The following ACBD6 variants were observed in gnomAD, a reference collection of about 807,000 sequenced individuals.
The protein encoded by ACBD6 is acyl-CoA-binding domain-containing protein 6.
ACBD6 carries 28 observed loss-of-function variants against 37.2 expected under a neutral mutation model. The ratio of observed to expected loss-of-function variants is 0.75; its 90% CI spans 0.56 to 1.03. ACBD6 has a LOEUF of 1.03. Among genes scored for constraint, ACBD6 ranks in the 50% least tolerant of loss-of-function variants. The pLI is 0.00. For synonymous variants in ACBD6, 113 were observed against 126.8 expected, an observed-to-expected ratio of 0.89 and a Z score of 0.73; for missense variants, 340 against 337.4, an observed-to-expected ratio of 1.01 and a Z score of -0.06.
intron 6 of ACBD6, among the ~76,000 whole-genome samples, chr1:180,376,494 C>G (rs1308580528): frequency 6.6e-6 from 1 of 152,092 alleles, no homozygotes; most frequent in African/African-American, 2.4e-5. Context: ...GAGTACTATG[C>G]AGCTGTAAAT....
At chr1:180,453,441 T>C (rs1649792555) in intron 3 of ACBD6, among the ~76,000 whole-genome samples, 2 of 152,210 alleles carry the variant, frequency 1.3e-5, no homozygotes, top group Non-Finnish European at 2.9e-5. Context: ...GCCAATATCA[T>C]ATTGAATGGG....
At chr1:180,428,706 A>C (rs892319164) in intron 4 of ACBD6, among the ~76,000 whole-genome samples, 5 of 152,240 alleles carry the variant, frequency 3.3e-5, no homozygotes, top group African/African-American at 1.2e-4. Context: ...GGAGCCCTTA[A>C]GGAAAATGGC....
Position 180,310,120 on chromosome 1 carries a change from T to C in ACBD6, c.694+4572A>G, listed in dbSNP as rs887857103. Among the ~76,000 whole-genome samples, 64 of 152,148 alleles carry C rather than the reference T, an allele frequency of 4.2e-4. 3 individuals are homozygous for C. Among genetic ancestry groups the C allele is most frequent in the Non-Finnish European group, 4.4e-5 (3 of 68,026 alleles). On this transcript the variant is annotated intron_variant, in intron 7 of 7. Coordinates refer to ENST00000367595, the MANE Select transcript of ACBD6 (RefSeq NM_032360.4). ...TATAAAAAAAAATAACTACTACATA[T>C]GCTTTGGGAGACTGATGTGGGAAAA...
chr1:180,276,950 C>CCT (rs1211200671), intron 9 of ACBD6: 3 of 152,170 alleles, frequency 2.0e-5, no homozygotes, highest in Non-Finnish European at 2.9e-5. Flanking sequence ...GAGAGGCCTT[C>CCT]CTCATTTATA....
intron 7 of ACBD6, among the ~76,000 whole-genome samples, chr1:180,309,002 T>C (rs745749574): frequency 6.6e-6 from 1 of 152,216 alleles, no homozygotes; most frequent in Non-Finnish European, 1.5e-5. Flanking sequence ...AGATAATATA[T>C]GCATATAGGT....
chr1:180,470,117 T>A (rs1323772862), intron 3 of ACBD6, among the ~76,000 whole-genome samples: 1 of 152,172 alleles, frequency 6.6e-6, no homozygotes, highest in Non-Finnish European at 1.5e-5. Context: ...TTTTTCCAAT[T>A]TAAGCTGTTA....
intron 7 of ACBD6, among the ~76,000 whole-genome samples, chr1:180,313,734 T>A (rs1650683322): frequency 6.6e-6 from 1 of 152,204 alleles, no homozygotes; most frequent in Non-Finnish European, 1.5e-5. Context: ...AGGGTCTGTG[T>A]TGCTCAGGCT....
chr1:180,364,092 A>T (rs1652949996), intron 6 of ACBD6, among the ~76,000 whole-genome samples: 1 of 152,254 alleles, frequency 6.6e-6, no homozygotes, highest in African/African-American at 2.4e-5. Flanking sequence ...CAATGCTACA[A>T]TAAAGACTGG....
chr1:180,434,787 C>T (rs1291765178), intron 3 of ACBD6: 3 of 678,090 alleles, frequency 4.4e-6, no homozygotes, highest in African/African-American at 1.8e-5. Flanking sequence ...CTGCCAATGC[C>T]TCTAAGCCGA....
chr1:180,405,687 C>T (rs1019620894), intron 5 of ACBD6, among the ~76,000 whole-genome samples: 7 of 152,124 alleles, frequency 4.6e-5, no homozygotes, highest in Non-Finnish European at 8.8e-5. Context: ...GTATAGTACA[C>T]TAATCTGAGA....
At chr1:180,479,597 G>C (rs1298034941) in intron 3 of ACBD6, among the ~76,000 whole-genome samples, 2 of 152,052 alleles carry the variant, frequency 1.3e-5, no homozygotes, top group South Asian at 2.1e-4. Context: ...AGAGTAGAGG[G>C]ACTACACTTG....
At chr1:180,414,154 C>T (rs10753210) in intron 4 of ACBD6, among the ~76,000 whole-genome samples, 148,653 of 152,340 alleles carry the variant, frequency 0.98, 72,552 homozygotes, top group African/African-American at 0.99. Context: ...ATCTTTATAA[C>T]GCATGTGCAT....
At chr1:180,456,923 T>C (rs941053977) in intron 3 of ACBD6, among the ~76,000 whole-genome samples, 3 of 152,122 alleles carry the variant, frequency 2.0e-5, no homozygotes, top group African/African-American at 7.2e-5. Context: ...AGAGAATATT[T>C]GCTAGAATAT....
At chr1:180,389,692 T>G (rs1157602909) in intron 6 of ACBD6, among the ~76,000 whole-genome samples, 1 of 152,244 alleles carries the variant, frequency 6.6e-6, no homozygotes, top group Non-Finnish European at 1.5e-5. Flanking sequence ...ATGATCGCCA[T>G]TCTAACTGGT....
chr1:180,356,182 A>G (rs1652623265), intron 6 of ACBD6, among the ~76,000 whole-genome samples: 2 of 125,810 alleles, frequency 1.6e-5, no homozygotes, highest in Non-Finnish European at 3.4e-5. Context: ...CTATTGTTAC[A>G]ATTTTTAAGA....
intron 3 of ACBD6, among the ~76,000 whole-genome samples, chr1:180,439,639 T>G (rs1649201041): frequency 6.6e-6 from 1 of 152,004 alleles, no homozygotes; most frequent in South Asian, 2.1e-4. Flanking sequence ...TAGTCCACAC[T>G]CAGCCTCAAG....
At chr1:180,467,448 CAAAAAA>C (rs57941230) in intron 3 of ACBD6, among the ~76,000 whole-genome samples, 7 of 72,540 alleles carry the variant, frequency 9.6e-5, no homozygotes, top group Admixed American at 1.9e-4. Flanking sequence ...TCCATCTCTG[CAAAAAA>C]AAAAAAAAAA....
intron 9 of ACBD6, chr1:180,278,559 G>A (rs982611927): frequency 6.6e-6 from 1 of 151,946 alleles, no homozygotes; most frequent in Admixed American, 6.6e-5. Flanking sequence ...TTTGCTTAGG[G>A]AGGCAGAGCA....
intron 6 of ACBD6, among the ~76,000 whole-genome samples, chr1:180,318,175 C>A (rs59603463): frequency 0.044 from 4,481 of 102,732 alleles, 297 homozygotes; most frequent in South Asian, 0.054. Flanking sequence ...CCCCCCCCCC[C>A]AAAAAAAAAA....
Sources: gnomAD v4.1 joint callset for allele counts (sites outside exome capture counted in the v4.1 genomes callset) on GRCh38, gnomAD v4.1.1 for gene constraint, MANE v1.5 for transcripts, NCBI Gene and HGNC (gene_info 2026-07-23, HGNC 2026-07-21) for gene names.